Variants in CCDC62 observed in about 807,000 individuals in gnomAD.
CCDC62 encodes coiled-coil domain-containing protein 62.
CCDC62 carries 72 observed loss-of-function variants against 80.8 expected under a neutral mutation model. The ratio of observed to expected loss-of-function variants is 0.89; its 90% CI spans 0.74 to 1.08. CCDC62 has a LOEUF of 1.08. CCDC62 is among the 50% of genes least tolerant of loss of function. The probability of loss-of-function intolerance (pLI) is 0.00; values close to 1 mark genes in which losing one functional copy is unlikely to be tolerated. For synonymous variants in CCDC62, 286 were observed against 296.5 expected, an observed-to-expected ratio of 0.96 and a Z score of 0.36; for missense variants, 704 against 809.4, an observed-to-expected ratio of 0.87 and a Z score of 1.58.
At position 122,813,008 on chromosome 12, in the gene CCDC62, G is replaced by A. The variant is rs537441916; in HGVS notation, c.1852-262G>A. On this transcript the variant is annotated intron_variant, in intron 10 of 12. Coordinates refer to ENST00000253079, the MANE Select transcript of CCDC62 (RefSeq NM_201435.5). ...AGGCCAGGAGTTCAAGACCAGCCTG[G>A]GCAACATAGTGAGATCCCACCTCTA... 2.7e-5 allele frequency among the ~76,000 whole-genome samples: 4 copies of A among 146,518 alleles called. No homozygotes were observed. The South Asian group carries it at 8.8e-4, about 32-fold the overall frequency.
At chr12:122,775,150 G>A (rs1879351244) in intron 1 of CCDC62, among the ~76,000 whole-genome samples, 1 of 148,016 alleles carries the variant, frequency 6.8e-6, no homozygotes, top group African/African-American at 2.5e-5. Flanking sequence ...ACGGCGTCAC[G>A]ACCGTTTCCT....
intron 2 of CCDC62, among the ~76,000 whole-genome samples, chr12:122,778,354 A>G (rs201926292): frequency 2.4e-5 from 1 of 41,434 alleles, no homozygotes; most frequent in Non-Finnish European, 4.5e-5. Flanking sequence ...ACCCTGTCCC[A>G]AAAAAAAAAA....
At chr12:122,786,760 A>G (rs1324783313) in intron 4 of CCDC62, among the ~76,000 whole-genome samples, 1 of 151,562 alleles carries the variant, frequency 6.6e-6, no homozygotes, top group Admixed American at 6.6e-5. Flanking sequence ...GGAGATCGAG[A>G]CCATCCTGGC....
chr12:122,786,788 G>T (rs1255182754), intron 4 of CCDC62, among the ~76,000 whole-genome samples: 1 of 151,226 alleles, frequency 6.6e-6, no homozygotes, highest in Non-Finnish European at 1.5e-5. Context: ...GTGAAACCCC[G>T]TCTCTACTAA....
rs1273304407 is a variant in CCDC62, at chr12:122,801,549, T to C, written c.1403T>C (p.Leu468Pro). The C allele has an allele frequency of 6.2e-7, 1 of 1,614,172 alleles. No individual in the cohort carries two copies. The highest frequency in any genetic ancestry group is 1.7e-5 in the Admixed American group (1 of 60,000). Reference protein sequence around the residue: ...EKQWHDVSVYLGLTNCPSSKH... With the variant: ...EKQWHDVSVYPGLTNCPSSKH... ...CAGTGGCATGATGTCAGTGTTTACCTGGGCCTGACCAACTGTCCAAGTTCA... is the reference window on the plus strand; with the variant it reads ...CAGTGGCATGATGTCAGTGTTTACCCGGGCCTGACCAACTGTCCAAGTTCA... The change falls in exon 9 of 13, where the codon CTG (leucine) becomes CCG (proline). Residue 468 changes from leucine (L) to proline (P), a missense_variant. By Grantham distance (98) the Leu-to-Pro change is moderately conservative. Transcript: ENST00000253079.
chr12:122,779,907 CAAAAAAAAAAAA>C (rs35466260), intron 2 of CCDC62, among the ~76,000 whole-genome samples: 2 of 63,518 alleles, frequency 3.1e-5, no homozygotes, highest in Non-Finnish European at 5.3e-5. Context: ...GACTCTGTCT[CAAAAAAAAAAAA>C]AAAAAAAAAA....
At chr12:122,812,693 G>T (rs1404599687) in intron 10 of CCDC62, among the ~76,000 whole-genome samples, 1 of 97,690 alleles carries the variant, frequency 1.0e-5, no homozygotes, top group Admixed American at 1.3e-4. Flanking sequence ...CTGCACTCCA[G>T]CCTGGGTGAC....
chr12:122,780,661 A>AAATAT (rs1437295955), intron 2 of CCDC62, among the ~76,000 whole-genome samples: 3 of 149,642 alleles, frequency 2.0e-5, no homozygotes, highest in African/African-American at 7.6e-5. Context: ...AAATAAAATA[A>AAATAT]AATAAAATAA....
In CCDC62 at chr12:122,781,223, G is replaced by C; in HGVS notation, c.289G>C (p.Glu97Gln). 1 of 1,613,978 alleles carries C rather than the reference G, an allele frequency of 6.2e-7. No homozygotes were observed. Among genetic ancestry groups the C allele is most frequent in the Non-Finnish European group, 8.5e-7 (1 of 1,179,892 alleles). ...ACTCACGAAGAAGGTAAAAGCTCTTGAATCCAATCAAATGGAATGCCAAAC... is the reference window on the plus strand; with the variant it reads ...ACTCACGAAGAAGGTAAAAGCTCTTCAATCCAATCAAATGGAATGCCAAAC... ...RSLTKKVKALESNQMECQTAL... is the reference protein window; with the variant it reads ...RSLTKKVKALQSNQMECQTAL... Residue 97 changes from glutamate (E) to glutamine (Q), a missense_variant, in exon 3 of 13, where the codon GAA (glutamate) becomes CAA (glutamine). Physicochemically the swap from Glu to Gln is conservative, Grantham distance 29. Coordinates refer to ENST00000253079, the MANE Select transcript of CCDC62 (RefSeq NM_201435.5).
intron 1 of CCDC62, among the ~76,000 whole-genome samples, chr12:122,776,115 G>T: frequency 6.6e-6 from 1 of 152,168 alleles, no homozygotes; most frequent in Admixed American, 6.5e-5. Flanking sequence ...TTTGTTGAGT[G>T]ATTACAACGG....
In CCDC62 at chr12:122,797,405, C is replaced by T; in HGVS notation, c.861+10C>T. ...GCACAATCTGAGACAGGTATGTCCC[C>T]AATCATCCTTCTCTGTCACATAAGA... On this transcript the variant is annotated intron_variant, in intron 7 of 12. Transcript: ENST00000253079. 1 of 1,479,330 alleles carries T rather than the reference C, an allele frequency of 6.8e-7. No homozygotes were observed. The highest frequency in any genetic ancestry group is 9.4e-7 in the Non-Finnish European group (1 of 1,059,240). 91.6% of individuals were successfully genotyped at this position (1,479,330 alleles called of 1,614,324 possible). A position where few individuals can be genotyped will look rare whatever the true frequency, so the allele number is the denominator to read the frequency against.
intron 10 of CCDC62, among the ~76,000 whole-genome samples, chr12:122,810,805 T>C (rs1447256573): frequency 5.9e-5 from 9 of 151,920 alleles, no homozygotes; most frequent in African/African-American, 2.2e-4. Context: ...ATTAAGAAAA[T>C]GTGGCACATA....
intron 6 of CCDC62, among the ~76,000 whole-genome samples, chr12:122,793,781 C>A (rs1426726428): frequency 6.6e-6 from 1 of 152,092 alleles, no homozygotes; most frequent in African/African-American, 2.4e-5. Context: ...AAATGGAATT[C>A]TTAATTTTAA....
At chr12:122,799,085 T>C (rs1019685293) in intron 8 of CCDC62, among the ~76,000 whole-genome samples, 5 of 151,792 alleles carry the variant, frequency 3.3e-5, no homozygotes, top group African/African-American at 7.3e-5. Context: ...GTATGAAAAA[T>C]AAATAAATAA....
intron 8 of CCDC62, 45 bp from the exon 9 acceptor site, chr12:122,801,079 C>T: frequency 6.5e-7 from 1 of 1,542,808 alleles, no homozygotes. Flanking sequence ...ATGATAGCAT[C>T]AAGTATATCT....
At chr12:122,776,498 C>T (rs1012943109) in intron 1 of CCDC62, 2 of 152,054 alleles carry the variant, frequency 1.3e-5, no homozygotes, top group African/African-American at 2.4e-5. Context: ...TTGAAGCAGC[C>T]GCAGTGAAAT....
intron 6 of CCDC62, among the ~76,000 whole-genome samples, chr12:122,793,971 G>T (rs181990678): frequency 2.0e-5 from 3 of 152,212 alleles, no homozygotes; most frequent in Admixed American, 1.3e-4. Context: ...GCATTTGTAC[G>T]CCAGGTGCCC....
chr12:122,825,993 C>CAA (rs61129769), intron 12 of CCDC62, among the ~76,000 whole-genome samples: 1,200 of 109,610 alleles, frequency 0.011, 16 homozygotes, highest in Middle Eastern at 0.018. Context: ...AACTCCGTCT[C>CAA]AAAAAAAAAA....
At chr12:122,792,382 G>A (rs1402716473) in intron 6 of CCDC62, among the ~76,000 whole-genome samples, 6 of 151,672 alleles carry the variant, frequency 4.0e-5, no homozygotes, top group Admixed American at 2.0e-4. Flanking sequence ...CACCACGCCC[G>A]GCTAAATTTT....
Sources: allele counts gnomAD v4.1 joint callset (sites outside exome capture counted in the v4.1 genomes callset), GRCh38; gene constraint gnomAD v4.1.1; transcripts MANE v1.5; gene names NCBI Gene and HGNC (gene_info 2026-07-23, HGNC 2026-07-21).